Variants in S1PR3 observed in about 807,000 individuals in gnomAD.
S1PR3 encodes sphingosine-1-phosphate receptor 3.
In S1PR3, 12 loss-of-function variants were observed where a neutral mutation model predicts 13.3. That is an observed-to-expected ratio of 0.90 (90% confidence interval 0.58 to 1.46). The LOEUF (loss-of-function observed/expected upper bound fraction) is 1.46. S1PR3 is among the 40% of genes most tolerant of loss of function. The pLI is 0.00. For synonymous variants in S1PR3, 232 were observed against 214.0 expected (o/e 1.08, Z -0.73); for missense variants, 450 against 501.9 (o/e 0.90, Z 0.99).
intron 1 of S1PR3, chr9:88,992,057 T>C: frequency 1.9e-6 from 3 of 1,584,404 alleles, no homozygotes; most frequent in East Asian, 2.2e-5. Flanking sequence ...GTCGTTAGCC[T>C]GGGAAAATCA....
chr9:88,997,168 G>C (rs550006365), intron 1 of S1PR3: 26 of 152,262 alleles, frequency 1.7e-4, no homozygotes, highest in African/African-American at 6.0e-4. Flanking sequence ...TGCTTCTTGA[G>C]GGATGAATAT....
intron 1 of S1PR3, chr9:88,997,816 G>A (rs1011284342): frequency 6.6e-6 from 1 of 152,458 alleles, no homozygotes; most frequent in Non-Finnish European, 1.5e-5. Context: ...AGCCGGGCAG[G>A]TCATCCATTT....
At position 89,001,683 on chromosome 9, in the gene S1PR3, C is replaced by T; in HGVS notation, c.483C>T (p.Cys161=). Residue 161 remains cysteine, a synonymous_variant, in exon 2 of 2, where the codon TGC becomes TGT. Transcript: ENST00000358157. ...GCGTCTTCCTCCTGATCGGGATGTG[C>T]TGGCTCATTGCCTTCACGCTGGGCG... ...RHRVFLLIGM[C]WLIAFTLGAL... is the part of the protein sequence containing the mutation. 1.9e-6 allele frequency: 3 copies of T among 1,614,226 alleles called. No individual in the cohort carries two copies. Among genetic ancestry groups the T allele is most frequent in the Non-Finnish European group, 2.5e-6 (3 of 1,180,048 alleles).
rs557433243 is a variant in S1PR3, at chr9:89,002,715, C to T, written c.*378C>T. ...ATGATTTTACACTACATTTCCTGTG[C>T]GTAGAATGGATGCTTGTATATTCGT... is the stretch of plus-strand genomic sequence containing the variant. On this transcript the variant is annotated 3_prime_UTR_variant, in exon 2 of 2. Coordinates refer to ENST00000358157, the MANE Select transcript of S1PR3 (RefSeq NM_005226.4). 306 of 269,410 alleles carry T rather than the reference C, an allele frequency of 1.1e-3. 1 individual carries two copies. The highest frequency in any genetic ancestry group is 3.0e-4 in the African/African-American group (14 of 46,268). The allele number at this position is 269,410 out of a possible 1,614,324, so 16.7% of individuals were successfully genotyped here.
chr9:88,999,441 C>G (rs913912839), intron 1 of S1PR3: 1 of 152,260 alleles, frequency 6.6e-6, no homozygotes, highest in Non-Finnish European at 1.5e-5. Context: ...GGAGCCACCT[C>G]TGCTTCTCAG....
intron 1 of S1PR3, chr9:88,992,116 T>A: frequency 7.3e-7 from 1 of 1,376,528 alleles, no homozygotes; most frequent in Non-Finnish European, 1.0e-6. Context: ...CTAACATTTC[T>A]CAAACAAGGC....
At position 89,001,065 on chromosome 9, in the gene S1PR3, C is replaced by T; in HGVS notation, c.-136C>T. ...TTATCTGTTGGCAGGAGCCCTTTTTCAACGCCCTCGCTGGAGTCTGGCCTG... is the reference window on the plus strand; with the variant it reads ...TTATCTGTTGGCAGGAGCCCTTTTTTAACGCCCTCGCTGGAGTCTGGCCTG... On this transcript the variant is annotated 5_prime_UTR_variant, in exon 2 of 2. An upstream open reading frame in the 5' UTR gains an earlier in-frame stop. Transcript: ENST00000358157. 1.9e-6 allele frequency: 2 copies of T among 1,027,594 alleles called. No homozygotes were observed. The highest frequency in any genetic ancestry group is 4.8e-5 in the Admixed American group (2 of 41,754). 63.7% of individuals were successfully genotyped at this position (1,027,594 alleles called of 1,614,324 possible).
chr9:88,998,518 A>G (rs1198044310), intron 1 of S1PR3: 1 of 152,422 alleles, frequency 6.6e-6, no homozygotes. Context: ...AAAAACAACT[A>G]AAAGGACAGT....
Position 89,001,434 on chromosome 9 carries a change from T to C in S1PR3, c.234T>C (p.Ile78=). Residue 78 remains isoleucine (I), a synonymous_variant, in exon 2 of 2, where the codon ATT becomes ATC. Transcript: ENST00000358157. ...NKFHNRMYFF[I]GNLALCDLLA... ...TTCACAACCGCATGTACTTTTTCATTGGCAACCTGGCTCTCTGCGACCTGC... is the reference window on the plus strand; with the variant it reads ...TTCACAACCGCATGTACTTTTTCATCGGCAACCTGGCTCTCTGCGACCTGC... The C allele has an allele frequency of 6.2e-7, 1 of 1,614,212 alleles. No homozygotes were observed.
chr9:88,998,654 C>T (rs965270964), intron 1 of S1PR3: 2 of 152,128 alleles, frequency 1.3e-5, no homozygotes, highest in African/African-American at 2.4e-5. Context: ...TGGTATTGCC[C>T]CATTTAAAGA....
At position 88,994,716 on chromosome 9, in the gene S1PR3, A is replaced by C. The variant is rs527252155; in HGVS notation, c.-148+3021A>C. The C allele has an allele frequency of 3.6e-5, 6 of 167,164 alleles. No homozygotes were observed. In the East Asian group the frequency reaches 5.8e-4, roughly 16 times the overall value. 10.4% of individuals were successfully genotyped at this position (167,164 alleles called of 1,614,324 possible). ...CTGGGGTTCCCTGGACTATGCCCAG[A>C]TAGCTCATAATGTCCCAGCCTTATT... On this transcript the variant is annotated intron_variant, in intron 1 of 1. Coordinates refer to ENST00000358157, the MANE Select transcript of S1PR3 (RefSeq NM_005226.4).
At position 89,001,674 on chromosome 9, in the gene S1PR3, C is replaced by T. The variant is rs267602308; in HGVS notation, c.474C>T (p.Ile158=). 2.5e-6 allele frequency: 4 copies of T among 1,614,084 alleles called. No individual in the cohort carries two copies. The highest frequency in any genetic ancestry group is 2.2e-5 in the South Asian group (2 of 91,082). Residue 158 remains isoleucine, a synonymous_variant, in exon 2 of 2, where the codon ATC becomes ATT. Coordinates refer to ENST00000358157, the MANE Select transcript of S1PR3 (RefSeq NM_005226.4). ...AGAGGCACCGCGTCTTCCTCCTGAT[C>T]GGGATGTGCTGGCTCATTGCCTTCA... ...ANKRHRVFLL[I]GMCWLIAFTL...
chr9:88,992,163 T>C, intron 1 of S1PR3: 2 of 806,316 alleles, frequency 2.5e-6, no homozygotes, highest in Non-Finnish European at 3.9e-6. Context: ...GAAGACGAAG[T>C]CCCCACAGTG....
Position 89,001,975 on chromosome 9 carries a change from C to T in S1PR3, c.775C>T (p.Leu259Phe), listed in dbSNP as rs1429386280. The change falls in exon 2 of 2, where the codon CTC (leucine) becomes TTC (phenylalanine). Residue 259 changes from leucine to phenylalanine, a missense_variant. Leu to Phe is a conservative substitution (Grantham distance 22). Transcript: ENST00000358157. ...VSVFIACWSP[L>F]FILFLIDVAC... Reference sequence around the variant, plus strand: ...CGTGTTCATCGCCTGCTGGTCCCCACTCTTCATCCTCTTCCTCATTGATGT... The same window carrying T: ...CGTGTTCATCGCCTGCTGGTCCCCATTCTTCATCCTCTTCCTCATTGATGT... 3 of 1,614,064 alleles carry T rather than the reference C, an allele frequency of 1.9e-6. No individual in the cohort carries two copies. Among genetic ancestry groups the T allele is most frequent in the Non-Finnish European group, 2.5e-6 (3 of 1,180,038 alleles).
In S1PR3 at chr9:89,004,979, A is replaced by G. The variant is rs1219656003; in HGVS notation, c.*2642A>G. 3 of 166,936 alleles carry G rather than the reference A, an allele frequency of 1.8e-5. No homozygotes were observed. Among genetic ancestry groups the G allele is most frequent in the African/African-American group, 7.2e-5 (3 of 41,446 alleles). The allele number at this position is 166,936 out of a possible 1,614,324, so 10.3% of individuals were successfully genotyped here. On this transcript the variant is annotated 3_prime_UTR_variant, in exon 2 of 2. Transcript: ENST00000358157. Reference sequence around the variant, plus strand: ...CAATGTATGTTTGTTAAAAATAATAATAATAAAACCAAAAGCCTTTGTGGA... The same window carrying G: ...CAATGTATGTTTGTTAAAAATAATAGTAATAAAACCAAAAGCCTTTGTGGA...
At chr9:88,996,437 C>A (rs1179792267) in intron 1 of S1PR3, 1 of 152,226 alleles carries the variant, frequency 6.6e-6, no homozygotes, top group African/African-American at 2.4e-5. Context: ...GGTAGTGTAT[C>A]TACCCACACC....
chr9:88,991,102 C>T, upstream of S1PR3: 1 of 1,613,242 alleles, frequency 6.2e-7, no homozygotes, highest in South Asian at 1.1e-5. The surrounding 1 kb of genome is among the most constrained non-coding windows in gnomAD (Gnocchi z 4.0). Flanking sequence ...CAAGCCCAGA[C>T]CTCGGACCTG....
rs907082926 is a variant in S1PR3 at position 88,991,609 on chromosome 9, G to C, written c.-234G>C. 1 of 1,541,376 alleles carries C rather than the reference G, an allele frequency of 6.5e-7. No individual in the cohort carries two copies. Among genetic ancestry groups the C allele is most frequent in the African/African-American group, 1.4e-5 (1 of 71,600 alleles). On this transcript the variant is annotated 5_prime_UTR_variant, in exon 1 of 2. Transcript: ENST00000358157. This position sits in a 1 kb window ranked among gnomAD's most constrained non-coding sequence, Gnocchi z 4.0. The stretch of plus-strand genomic sequence containing the variant: ...ACTGCCGGGCCTCCCAGCCCATCTG[G>C]CATTCGAGCGCAGGACCGGGCGCCC...
Position 89,003,391 on chromosome 9 carries a change from A to C in S1PR3, c.*1054A>C, listed in dbSNP as rs1487868271. The C allele has an allele frequency of 1.2e-5, 2 of 167,148 alleles. No homozygotes were observed. Among genetic ancestry groups the C allele is most frequent in the African/African-American group, 4.8e-5 (2 of 41,474 alleles). 10.4% of individuals were successfully genotyped at this position (167,148 alleles called of 1,614,324 possible). On this transcript the variant is annotated 3_prime_UTR_variant, in exon 2 of 2. Transcript: ENST00000358157. The stretch of plus-strand genomic sequence containing the variant: ...CTGTGGCCACCGGCAGTTTCACAGC[A>C]TCCTGAAAGCTGGCACTGATCGTGA...
Sources: gnomAD v4.1 joint callset for allele counts on GRCh38, gnomAD v4.1.1 for gene constraint, Gnocchi (gnomAD v3.1) non-coding constraint, MANE v1.5 for transcripts, NCBI Gene and HGNC (gene_info 2026-07-23, HGNC 2026-07-21) for gene names.